The following TMEM9 variants were observed in gnomAD, a reference collection of about 807,000 sequenced individuals.
The protein encoded by TMEM9 is transmembrane protein 9.
TMEM9 carries 13 observed loss-of-function variants against 22.8 expected under a neutral mutation model. The ratio of observed to expected loss-of-function variants is 0.57; its 90% CI spans 0.37 to 0.91. The LOEUF (loss-of-function observed/expected upper bound fraction) is 0.91. TMEM9 is among the 40% of genes least tolerant of loss of function. TMEM9 has a pLI of 0.01. For synonymous variants in TMEM9, 88 were observed against 93.0 expected, an observed-to-expected ratio of 0.95 and a Z score of 0.31; for missense variants, 182 against 238.1, an observed-to-expected ratio of 0.76 and a Z score of 1.55.
rs776062999 is a variant in TMEM9, at chr1:201,153,858, C to T, written c.66G>A (p.Lys22=). Residue 22 remains lysine, a splice_region_variant and synonymous_variant, in exon 1 of 5, where the codon AAG becomes AAA. Coordinates refer to ENST00000367330, the MANE Select transcript of TMEM9 (RefSeq NM_001288565.2). ...CLLVPPAEAN[K]SSEDIRCKCI... ...GGTGCTGCAGGCTCACCTCCCTCAC[C>T]TTGTTGGCTTCAGCTGGGGGCACCA... 1.2e-6 allele frequency: 2 copies of T among 1,614,214 alleles called. No homozygotes were observed. The highest frequency in any genetic ancestry group is 1.7e-6 in the Non-Finnish European group (2 of 1,180,034).
intron 4 of TMEM9, among the ~76,000 whole-genome samples, chr1:201,138,219 G>A (rs1413709366): frequency 6.6e-6 from 1 of 152,172 alleles, no homozygotes. Flanking sequence ...TCTTGAGAAG[G>A]GGAAGCCAGG....
At chr1:201,162,535 GAAAAA>G (rs34818227) in intron 1 of TMEM9, among the ~76,000 whole-genome samples, 2 of 114,926 alleles carry the variant, frequency 1.7e-5, no homozygotes, top group African/African-American at 6.8e-5. Flanking sequence ...CATACATAGG[GAAAAA>G]AAAAAAAAAA....
At chr1:201,151,979 C>A in intron 1 of TMEM9, 127 bp from the exon 2 acceptor site, 2 of 667,842 alleles carry the variant, frequency 3.0e-6, no homozygotes, top group South Asian at 1.9e-5. Context: ...TGCTCTTGAG[C>A]TTTCTCCATC....
At chr1:201,162,415 G>A (rs1665969229) in intron 1 of TMEM9, among the ~76,000 whole-genome samples, 1 of 151,852 alleles carries the variant, frequency 6.6e-6, no homozygotes, top group Non-Finnish European at 1.5e-5. Context: ...GGGATTCCAG[G>A]CATGAGCCAC....
In TMEM9 at chr1:201,140,421, G is replaced by A. The variant is rs138615782; in HGVS notation, c.399+3399C>T. ...AAGGACGTCTGAGCCCAGGGATTAT[G>A]CCTAATGCTGCTGGAATCCCAGGGG... On this transcript the variant is annotated intron_variant, in intron 4 of 4. Transcript: ENST00000367330. Among the ~76,000 whole-genome samples the A allele has an allele frequency of 3.6e-3, 544 of 152,308 alleles. 4 individuals carry two copies. Among genetic ancestry groups the A allele is most frequent in the East Asian group, 0.033 (169 of 5,180 alleles).
chr1:201,138,409 C>A (rs1664196669), intron 4 of TMEM9, among the ~76,000 whole-genome samples: 1 of 152,246 alleles, frequency 6.6e-6, no homozygotes, highest in African/African-American at 2.4e-5. Context: ...GACTCCACAT[C>A]TGTTTCAGAG....
chr1:201,141,063 C>T (rs112103096), intron 4 of TMEM9, among the ~76,000 whole-genome samples: 5,358 of 152,314 alleles, frequency 0.035, 142 homozygotes, highest in Non-Finnish European at 0.052. Context: ...CTCCCAACCA[C>T]CCTGAGTGGG....
intron 1 of TMEM9, among the ~76,000 whole-genome samples, chr1:201,169,088 A>C (rs372076163): frequency 1.3e-5 from 2 of 151,570 alleles, no homozygotes; most frequent in African/African-American, 4.9e-5. Flanking sequence ...AAGAACTTAG[A>C]TGAGGAGAGA....
rs1665632699 is a variant in TMEM9, at chr1:201,153,864, G to A, written c.60C>T (p.Ala20=). Reference sequence around the variant, plus strand: ...GCAGGCTCACCTCCCTCACCTTGTTGGCTTCAGCTGGGGGCACCAGCAAAC... The same window carrying A: ...GCAGGCTCACCTCCCTCACCTTGTTAGCTTCAGCTGGGGGCACCAGCAAAC... ...VGCLLVPPAE[A]NKSSEDIRCK... The change falls in exon 1 of 5, where the codon GCC becomes GCT. Residue 20 remains alanine (A), a synonymous_variant. Coordinates refer to ENST00000367330, the MANE Select transcript of TMEM9 (RefSeq NM_001288565.2). The A allele has an allele frequency of 6.2e-7, 1 of 1,614,152 alleles. No homozygotes were observed.
At chr1:201,161,979 GAAT>G (rs1431326488) in intron 1 of TMEM9, among the ~76,000 whole-genome samples, 5 of 152,144 alleles carry the variant, frequency 3.3e-5, no homozygotes, top group Non-Finnish European at 7.3e-5. Context: ...GAAAATTAAA[GAAT>G]ATTAGTAACT....
intron 2 of TMEM9, among the ~76,000 whole-genome samples, chr1:201,149,446 A>T (rs1374717564): frequency 1.3e-5 from 2 of 152,206 alleles, no homozygotes; most frequent in Non-Finnish European, 2.9e-5. Flanking sequence ...CAAGTTTGAA[A>T]GGCAAGGAAC....
chr1:201,154,244 A>C lies in TMEM9; in HGVS notation c.-321T>G. ...GGCTCTGACCCGCGCATCACGTCCC[A>C]CCGCCCTCCGCCATCTCCGCCTCTG... On this transcript the variant is annotated 5_prime_UTR_variant, in exon 1 of 5. Transcript: ENST00000367330. The C allele has an allele frequency of 4.0e-6, 1 of 250,436 alleles. No homozygotes were observed. The highest frequency in any genetic ancestry group is 5.1e-5 in the Admixed American group (1 of 19,596). 15.5% of individuals were successfully genotyped at this position (250,436 alleles called of 1,614,324 possible). A position where few individuals can be genotyped will look rare whatever the true frequency, so the allele number is the denominator to read the frequency against.
At chr1:201,142,924 A>T (rs1664654638) in intron 4 of TMEM9, among the ~76,000 whole-genome samples, 1 of 152,210 alleles carries the variant, frequency 6.6e-6, no homozygotes, top group Non-Finnish European at 1.5e-5. Context: ...GGCTCATCAC[A>T]ACTCTGCTCA....
At chr1:201,161,072 C>A (rs1665934494) in intron 1 of TMEM9, among the ~76,000 whole-genome samples, 1 of 152,024 alleles carries the variant, frequency 6.6e-6, no homozygotes. Flanking sequence ...TCATTGTATG[C>A]ATAAGCGTCT....
chr1:201,155,930 G>A (rs1411482326), upstream of TMEM9, among the ~76,000 whole-genome samples: 1 of 152,194 alleles, frequency 6.6e-6, no homozygotes, highest in Non-Finnish European at 1.5e-5. Flanking sequence ...CATTGTGGAG[G>A]TCAGAATGGC....
At chr1:201,152,851 C>T (rs143772007) in intron 1 of TMEM9, among the ~76,000 whole-genome samples, 3 of 152,210 alleles carry the variant, frequency 2.0e-5, no homozygotes, top group Admixed American at 6.5e-5. Context: ...TATAGCAGAG[C>T]GCATTCATAA....
rs534074610 is a variant in TMEM9 at position 201,136,269 on chromosome 1, C to A, written c.400-454G>T. 2.1e-3 allele frequency among the ~76,000 whole-genome samples: 326 copies of A among 152,332 alleles called. 1 individual carries two copies. The highest frequency in any genetic ancestry group is 2.2e-3 in the Non-Finnish European group (147 of 68,030). On this transcript the variant is annotated intron_variant, in intron 4 of 4. Coordinates refer to ENST00000367330, the MANE Select transcript of TMEM9 (RefSeq NM_001288565.2). ...GACTTGATGACATCTGTTGTTTCAG[C>A]AATGCACCGAGGTGCCCCCAGGGCT... is the stretch of plus-strand genomic sequence containing the variant.
chr1:201,162,114 G>A (rs530847666), intron 1 of TMEM9, among the ~76,000 whole-genome samples: 3 of 151,794 alleles, frequency 2.0e-5, no homozygotes, highest in Non-Finnish European at 4.4e-5. Flanking sequence ...TATTAGTGGA[G>A]GTATAGACAT....
upstream of TMEM9, among the ~76,000 whole-genome samples, chr1:201,157,920 C>G (rs936471488): frequency 6.6e-6 from 1 of 152,304 alleles, no homozygotes; most frequent in Non-Finnish European, 1.5e-5. Context: ...ATCCCTGGAA[C>G]TTGTGAATAC....
Sources: gnomAD v4.1 joint callset for allele counts (sites outside exome capture counted in the v4.1 genomes callset) on GRCh38, gnomAD v4.1.1 for gene constraint, MANE v1.5 for transcripts, NCBI Gene and HGNC (gene_info 2026-07-23, HGNC 2026-07-21) for gene names.